Variants in TRAPPC9 observed in about 807,000 individuals in gnomAD.
TRAPPC9 encodes the protein IKK2 binding protein.
Under a neutral mutation model 124.0 loss-of-function variants are expected in TRAPPC9, and 83 were observed. The observed-to-expected ratio is 0.67, with a 90% CI of 0.56 to 0.80. TRAPPC9 has a LOEUF of 0.80. Ranked by LOEUF, TRAPPC9 falls within the 30% of genes least tolerant of loss-of-function variation. The pLI is 0.00. For missense variants in TRAPPC9, 1,302 were observed against 1,508.3 expected (o/e 0.86, Z 2.27); for synonymous variants, 638 against 617.5 (o/e 1.03, Z -0.49).
intron 21 of TRAPPC9, among the ~76,000 whole-genome samples, chr8:139,749,748 G>A (rs1382385525): frequency 1.3e-5 from 2 of 152,202 alleles, no homozygotes; most frequent in Non-Finnish European, 2.9e-5. Flanking sequence ...TGGCCCATCT[G>A]CTTGAACCGC....
At chr8:140,311,634 A>G (rs1017953314) in intron 9 of TRAPPC9, among the ~76,000 whole-genome samples, 8 of 152,236 alleles carry the variant, frequency 5.3e-5, no homozygotes, top group Non-Finnish European at 1.2e-4. Flanking sequence ...CCATTTTCCA[A>G]GAAAATAAAC....
intron 7 of TRAPPC9, among the ~76,000 whole-genome samples, chr8:140,395,266 T>G (rs563971253): frequency 6.6e-6 from 1 of 152,340 alleles, no homozygotes; most frequent in South Asian, 2.1e-4. Flanking sequence ...CTTTACTCTG[T>G]TCTGGTCGCT....
chr8:139,749,765 C>T (rs1177723669), intron 21 of TRAPPC9, among the ~76,000 whole-genome samples: 5 of 152,318 alleles, frequency 3.3e-5, no homozygotes, highest in African/African-American at 7.2e-5. Context: ...CCGCCAGAGC[C>T]GGGCAGCTGG....
chr8:140,458,509 G>A (rs773047927), upstream of TRAPPC9: 21 of 1,582,470 alleles, frequency 1.3e-5, no homozygotes, highest in Non-Finnish European at 1.8e-5. Flanking sequence ...GCGAGCCCCA[G>A]CCTGGGCCGG....
chr8:139,766,632 C>T (rs922204552), intron 21 of TRAPPC9, among the ~76,000 whole-genome samples: 4 of 152,178 alleles, frequency 2.6e-5, no homozygotes, highest in African/African-American at 7.2e-5. Context: ...TCATTGATAA[C>T]GACCTAACCG....
chr8:140,212,932 G>C (rs564576752), intron 17 of TRAPPC9, among the ~76,000 whole-genome samples: 1 of 151,886 alleles, frequency 6.6e-6, no homozygotes, highest in South Asian at 2.1e-4. Context: ...AGCTGGGCAT[G>C]GTGGCGCACA....
chr8:140,023,943 G>A lies in TRAPPC9; in HGVS notation c.2693C>T (p.Ala898Val). ...GCGGCAGGAAGACATTTACCTGGTT[G>A]CTGGGAGGGTGCTGACTCGGGTGAA... ...VFFTRVSTLP[A>V]TSTRQCHLLL... Residue 898 changes from alanine (A) to valine (V), a missense_variant, in exon 18 of 23, where the codon GCA becomes GTA. Ala to Val is a moderately conservative substitution (Grantham distance 64). Around this residue, in one of 3 missense-constraint regions of TRAPPC9, gnomAD observed 640 missense variants for 679.3 expected, o/e 0.94. Transcript: ENST00000438773. 1 of 1,614,042 alleles carries A rather than the reference G, an allele frequency of 6.2e-7. No individual in the cohort carries two copies. Among genetic ancestry groups the A allele is most frequent in the South Asian group, 1.1e-5 (1 of 91,076 alleles).
At chr8:140,108,179 G>A (rs1375827028) in intron 17 of TRAPPC9, among the ~76,000 whole-genome samples, 1 of 152,170 alleles carries the variant, frequency 6.6e-6, no homozygotes, top group Admixed American at 6.5e-5. Flanking sequence ...AGGAGACTGA[G>A]TCCTAGAGAA....
chr8:140,232,090 A>C (rs1563866811), intron 16 of TRAPPC9, among the ~76,000 whole-genome samples: 2 of 151,414 alleles, frequency 1.3e-5, no homozygotes. Context: ...TTTTAAAAAA[A>C]CATCTTAAAA....
chr8:139,967,588 A>C (rs1476890640), intron 19 of TRAPPC9, among the ~76,000 whole-genome samples: 1 of 152,234 alleles, frequency 6.6e-6, no homozygotes, highest in African/African-American at 2.4e-5. Context: ...GCTGTGCAGG[A>C]CATGTGCACA....
intron 9 of TRAPPC9, among the ~76,000 whole-genome samples, chr8:140,351,837 G>A (rs780638387): frequency 5.1e-4 from 78 of 152,216 alleles, no homozygotes; most frequent in African/African-American, 1.5e-3. Context: ...AGACAGAGAG[G>A]TCTGCTAGAG....
intron 21 of TRAPPC9, among the ~76,000 whole-genome samples, chr8:139,812,073 A>AT: frequency 6.6e-6 from 1 of 152,316 alleles, no homozygotes; most frequent in East Asian, 1.9e-4. Flanking sequence ...CGCTGGAGAG[A>AT]TATCTCCTGG....
At chr8:140,394,891 G>T (rs1411331390) in intron 7 of TRAPPC9, among the ~76,000 whole-genome samples, 1 of 152,168 alleles carries the variant, frequency 6.6e-6, no homozygotes, top group African/African-American at 2.4e-5. Context: ...AGGCTCCGGG[G>T]CAGGGACCAC....
chr8:140,122,780 T>C (rs112711783), intron 17 of TRAPPC9, among the ~76,000 whole-genome samples: 1 of 152,124 alleles, frequency 6.6e-6, no homozygotes, highest in Non-Finnish European at 1.5e-5. Context: ...GCAGCACAGA[T>C]GGGAGGCAGG....
intron 17 of TRAPPC9, among the ~76,000 whole-genome samples, chr8:140,076,372 C>A (rs1229577979): frequency 6.6e-6 from 1 of 152,218 alleles, no homozygotes; most frequent in Admixed American, 6.5e-5. Flanking sequence ...ACCGTGAGAG[C>A]TGCATCCTTG....
intron 7 of TRAPPC9, among the ~76,000 whole-genome samples, chr8:140,396,520 ACT>A (rs900499570): frequency 2.0e-5 from 3 of 148,716 alleles, no homozygotes; most frequent in Admixed American, 6.7e-5. Flanking sequence ...TCCCGCTCAG[ACT>A]CTGTCCTCCC....
rs377694786 is a variant in TRAPPC9 at position 140,049,124 on chromosome 8, A to AG, written c.2557-25046dup. On this transcript the variant is annotated intron_variant, in intron 17 of 22. Transcript: ENST00000438773. ...GCCCCATCCCTTTCATCTCATAGCT[A>AG]GGGGACTCTCTTGCTATATAGATAT... Among the ~76,000 whole-genome samples the AG allele has an allele frequency of 9.2e-3, 1,401 of 152,252 alleles. 7 individuals are homozygous for AG. The highest frequency in any genetic ancestry group is 0.013 in the Non-Finnish European group (917 of 68,016).
At chr8:140,142,928 C>T (rs1444312277) in intron 17 of TRAPPC9, among the ~76,000 whole-genome samples, 3 of 152,202 alleles carry the variant, frequency 2.0e-5, no homozygotes, top group Admixed American at 6.5e-5. Context: ...TTTTCTTCCT[C>T]TTCTCACTCA....
chr8:140,458,205 C>CA, upstream of TRAPPC9: 3 of 1,550,102 alleles, frequency 1.9e-6, no homozygotes, highest in Non-Finnish European at 2.6e-6. Flanking sequence ...AGCAAGAGAA[C>CA]AGAGACTAGG....
Sources: allele counts gnomAD v4.1 joint callset (sites outside exome capture counted in the v4.1 genomes callset), GRCh38; gene constraint gnomAD v4.1.1; regional missense constraint gnomAD v4.1.1; transcripts MANE v1.5; gene names NCBI Gene and HGNC (gene_info 2026-07-23, HGNC 2026-07-21).